Variants in GTPBP8 observed in about 807,000 individuals in gnomAD.
GTPBP8 encodes the protein GTP-binding protein 8.
A neutral mutation model predicts 27.3 loss-of-function variants in GTPBP8; 21 were observed. The ratio of observed to expected loss-of-function variants is 0.77; its 90% CI spans 0.55 to 1.11. GTPBP8 has a LOEUF of 1.11. GTPBP8 is among the 50% of genes least tolerant of loss of function. The pLI is 0.00. For synonymous variants in GTPBP8, 147 were observed against 135.3 expected (o/e 1.09, Z -0.60); for missense variants, 380 against 350.8 (o/e 1.08, Z -0.67).
At position 112,995,294 on chromosome 3, in the gene GTPBP8, A is replaced by G. The variant is rs1303432065; in HGVS notation, c.566+29A>G. 6 of 1,488,854 alleles carry G rather than the reference A, an allele frequency of 4.0e-6. No homozygotes were observed. In the African/African-American group the frequency reaches 8.4e-5, roughly 21 times the overall value. The allele number at this position is 1,488,854 out of a possible 1,614,324, so 92.2% of individuals were successfully genotyped here. ...AGGAAAAGATTTTCTTATAATAGTT[A>G]TACATTTAACCCCAAAGCATGTTTT... On this transcript the variant is annotated intron_variant, in intron 3 of 5. Transcript: ENST00000383678.
chr3:113,000,283 A>T (rs2107373331), intron 5 of GTPBP8, among the ~76,000 whole-genome samples: 1 of 152,178 alleles, frequency 6.6e-6, no homozygotes, highest in South Asian at 2.1e-4. Context: ...CTGTAATCCC[A>T]GCTGCTCGGG....
rs773096143 is a variant in GTPBP8 at position 112,991,038 on chromosome 3, C to T, written c.39C>T (p.Leu13=). The T allele has an allele frequency of 1.4e-5, 23 of 1,607,034 alleles. No individual in the cohort carries two copies. The highest frequency in any genetic ancestry group is 1.7e-5 in the Non-Finnish European group (20 of 1,175,102). ...APGLRLGAGR[L]FEMPAVLERL... is the part of the protein sequence containing the mutation. ...GGCTGCGGCTGGGAGCGGGAAGACT[C>T]TTTGAAATGCCTGCGGTGCTAGAGC... is the stretch of plus-strand genomic sequence containing the variant. The change falls in exon 1 of 6, where the codon CTC becomes CTT. Residue 13 remains leucine, a synonymous_variant. Coordinates refer to ENST00000383678, the MANE Select transcript of GTPBP8 (RefSeq NM_014170.4).
chr3:112,991,313 C>T lies in GTPBP8; in HGVS notation c.314C>T (p.Ala105Val). The T allele has an allele frequency of 1.2e-6, 2 of 1,613,666 alleles. No individual in the cohort carries two copies. Among genetic ancestry groups the T allele is most frequent in the Non-Finnish European group, 1.7e-6 (2 of 1,180,016 alleles). Residue 105 changes from alanine to valine, a missense_variant, in exon 1 of 6, where the codon GCC (alanine) becomes GTC (valine). Coordinates refer to ENST00000383678, the MANE Select transcript of GTPBP8 (RefSeq NM_014170.4). ...YVSSAVRIDH[A>V]PDLPRPEVCF... ...AGCTCCGCCGTCCGTATCGACCACG[C>T]CCCGGACCTTCCGCGGCCAGAGGTG...
In GTPBP8 at chr3:112,992,071, A is replaced by T. The variant is rs554521408; in HGVS notation, c.336+736A>T. 4 of 152,550 alleles carry T rather than the reference A, an allele frequency of 2.6e-5. No homozygotes were observed. In the East Asian group the frequency reaches 7.7e-4, roughly 29 times the overall value. The allele number at this position is 152,550 out of a possible 1,614,324, so 9.4% of individuals were successfully genotyped here. On this transcript the variant is annotated intron_variant, in intron 1 of 5. Coordinates refer to ENST00000383678, the MANE Select transcript of GTPBP8 (RefSeq NM_014170.4). ...TCTAAATATATGTGGAACTATAGTC[A>T]GGATTCAAAGAGTACCTCAATTATT...
intron 3 of GTPBP8, among the ~76,000 whole-genome samples, chr3:112,995,686 G>A (rs761587793): frequency 1.3e-5 from 2 of 151,904 alleles, no homozygotes; most frequent in African/African-American, 4.8e-5. Context: ...ACAGGTGCAC[G>A]CCACCATGCC....
chr3:112,994,907 A>C (rs1383742558), intron 2 of GTPBP8, among the ~76,000 whole-genome samples: 2 of 152,360 alleles, frequency 1.3e-5, no homozygotes, highest in East Asian at 3.8e-4. Context: ...AGTTCTTCTT[A>C]AGTCATACAG....
At position 112,999,525 on chromosome 3, in the gene GTPBP8, T is replaced by C. The variant is rs1933850754; in HGVS notation, c.746T>C (p.Met249Thr). The C allele has an allele frequency of 2.0e-6, 3 of 1,509,600 alleles. No homozygotes were observed. Among genetic ancestry groups the C allele is most frequent in the Non-Finnish European group, 2.7e-6 (3 of 1,101,952 alleles). 93.5% of individuals were successfully genotyped at this position (1,509,600 alleles called of 1,614,324 possible). Reference sequence around the variant, plus strand: ...CTTCAGATCCAGAAATTTGTTAACATGAAAACTCAAGGATGTTTTCCTCAG... The same window carrying C: ...CTTCAGATCCAGAAATTTGTTAACACGAAAACTCAAGGATGTTTTCCTCAG... ...QVLQIQKFVN[M>T]KTQGCFPQLF... Residue 249 changes from methionine (M) to threonine (T), a missense_variant, in exon 5 of 6, where the codon ATG becomes ACG. Transcript: ENST00000383678.
At chr3:112,996,136 T>C (rs906758667) in intron 3 of GTPBP8, among the ~76,000 whole-genome samples, 1 of 152,186 alleles carries the variant, frequency 6.6e-6, no homozygotes, top group Non-Finnish European at 1.5e-5. Context: ...TGGTTTCTGT[T>C]ATCTGTTAGT....
At chr3:112,998,249 A>C (rs565714026) in intron 4 of GTPBP8, among the ~76,000 whole-genome samples, 44 of 152,294 alleles carry the variant, frequency 2.9e-4, no homozygotes, top group Non-Finnish European at 5.7e-4. Context: ...GACTCCTCCC[A>C]CCCGGCTTCA....
chr3:112,994,842 G>A (rs1192981710), intron 2 of GTPBP8, among the ~76,000 whole-genome samples: 3 of 152,200 alleles, frequency 2.0e-5, no homozygotes, highest in Non-Finnish European at 4.4e-5. Flanking sequence ...AAGAGTGAAT[G>A]CAATAGGAAA....
chr3:112,995,841 A>C (rs1195188126), intron 3 of GTPBP8, among the ~76,000 whole-genome samples: 1 of 151,934 alleles, frequency 6.6e-6, no homozygotes, highest in East Asian at 1.9e-4. Flanking sequence ...TGGCCCATTA[A>C]TTTTTTTTAA....
Position 112,990,985 on chromosome 3 carries a change from T to G in GTPBP8, c.-15T>G. 1.3e-6 allele frequency: 2 copies of G among 1,571,442 alleles called. No individual in the cohort carries two copies. Among genetic ancestry groups the G allele is most frequent in the Admixed American group, 1.8e-5 (1 of 55,262 alleles). ...CAGGAGTAAAATCTCTCTGCCCGTCTTCTGGGAAGGGAGAATGGCGGCGCC... is the reference window on the plus strand; with the variant it reads ...CAGGAGTAAAATCTCTCTGCCCGTCGTCTGGGAAGGGAGAATGGCGGCGCC... On this transcript the variant is annotated 5_prime_UTR_variant, in exon 1 of 6. Transcript: ENST00000383678.
At position 112,991,181 on chromosome 3, in the gene GTPBP8, A is replaced by G. The variant is rs1239265039; in HGVS notation, c.182A>G (p.Tyr61Cys). ...GAAGTAGAGCGGTTCCTCGCCCCCTACGGGAGGCAAGACCTTCACCTGCGT... is the reference window on the plus strand; with the variant it reads ...GAAGTAGAGCGGTTCCTCGCCCCCTGCGGGAGGCAAGACCTTCACCTGCGT... ...LQEVERFLAP[Y>C]GRQDLHLRIF... Residue 61 changes from tyrosine (Y) to cysteine (C), a missense_variant, in exon 1 of 6, where the codon TAC (tyrosine) becomes TGC (cysteine). Coordinates refer to ENST00000383678, the MANE Select transcript of GTPBP8 (RefSeq NM_014170.4). The G allele has an allele frequency of 3.7e-6, 6 of 1,614,018 alleles. No individual in the cohort carries two copies. In the African/African-American group the frequency reaches 5.3e-5, roughly 14 times the overall value.
In GTPBP8 at chr3:112,991,227, G is replaced by A. The variant is rs370910610; in HGVS notation, c.228G>A (p.Glu76=). The A allele has an allele frequency of 5.6e-5, 90 of 1,614,054 alleles. No individual in the cohort carries two copies. The highest frequency in any genetic ancestry group is 6.8e-5 in the Non-Finnish European group (80 of 1,180,040). The change falls in exon 1 of 6, where the codon GAG becomes GAA. Residue 76 remains glutamate (E), a synonymous_variant. Transcript: ENST00000383678. ...LHLRIFDPSP[E]DIARADNIFT... is the part of the protein sequence containing the mutation. ...TGCGTATCTTTGACCCAAGCCCGGA[G>A]GACATAGCCAGGGCGGACAACATCT... is the stretch of plus-strand genomic sequence containing the variant.
chr3:112,991,279 G>C lies in GTPBP8; in HGVS notation c.280G>C (p.Asp94His). ...CACGGCCACTGAACGGAACCGCATC[G>C]ACTACGTCAGCTCCGCCGTCCGTAT... The part of the protein sequence containing the change: ...IFTATERNRI[D>H]YVSSAVRIDH... The change falls in exon 1 of 6, where the codon GAC (aspartate) becomes CAC (histidine). Residue 94 changes from aspartate (D) to histidine (H), a missense_variant. Physicochemically the swap from Asp to His is moderately conservative, Grantham distance 81. Transcript: ENST00000383678. 1 of 1,613,566 alleles carries C rather than the reference G, an allele frequency of 6.2e-7. No individual in the cohort carries two copies. The highest frequency in any genetic ancestry group is 8.5e-7 in the Non-Finnish European group (1 of 1,180,034).
intron 5 of GTPBP8, 84 bp from the exon 6 acceptor site, chr3:113,000,766 G>C (rs1933885917): frequency 2.5e-6 from 2 of 802,588 alleles, no homozygotes; most frequent in Admixed American, 4.5e-5. Flanking sequence ...GAAATCATAA[G>C]AATTTGTAAA....
intron 5 of GTPBP8, among the ~76,000 whole-genome samples, chr3:113,000,623 T>C (rs57733917): frequency 6.6e-5 from 10 of 152,002 alleles, no homozygotes; most frequent in East Asian, 3.8e-4. Context: ...ATAGAAGATA[T>C]AGTGAAATTT....
At chr3:113,000,805 AT>A in intron 5 of GTPBP8, 44 bp from the exon 6 acceptor site, 1 of 1,149,502 alleles carries the variant, frequency 8.7e-7, no homozygotes, top group Non-Finnish European at 1.3e-6. Flanking sequence ...TTCAGATGTT[AT>A]ATCTGAGGAA....
At chr3:112,995,061 A>G in intron 2 of GTPBP8, 74 bp from the exon 3 acceptor site, 1 of 1,154,582 alleles carries the variant, frequency 8.7e-7, no homozygotes, top group East Asian at 2.4e-5. Context: ...GATTAACTGG[A>G]AAACATTTTG....
Sources: gnomAD v4.1 joint callset for allele counts (sites outside exome capture counted in the v4.1 genomes callset) on GRCh38, gnomAD v4.1.1 for gene constraint, MANE v1.5 for transcripts, NCBI Gene and HGNC (gene_info 2026-07-23, HGNC 2026-07-21) for gene names.